ERN1: variants seen among roughly 807,000 people sequenced by gnomAD.
ERN1 encodes serine/threonine-protein kinase/endoribonuclease IRE1.
Under a neutral mutation model 113.1 loss-of-function variants are expected in ERN1, and 39 were observed. That is an observed-to-expected ratio of 0.34 (90% CI 0.27 to 0.45). ERN1 has a LOEUF of 0.45. ERN1 is among the 20% of genes least tolerant of loss of function. The pLI, the probability that ERN1 is intolerant of heterozygous loss-of-function variation, is 1.00. For missense variants in ERN1, 976 were observed against 1,274.8 expected (o/e 0.77, Z 3.57); for synonymous variants, 507 against 515.9 (o/e 0.98, Z 0.23).
intron 17 of ERN1, among the ~76,000 whole-genome samples, chr17:64,050,207 T>A (rs1467482320): frequency 6.6e-6 from 1 of 152,086 alleles, no homozygotes; most frequent in Non-Finnish European, 1.5e-5. Flanking sequence ...GGATTTTCCC[T>A]TAGGAAGGTG....
At chr17:64,064,732 T>C (rs1448006681) in intron 9 of ERN1, among the ~76,000 whole-genome samples, 2 of 152,054 alleles carry the variant, frequency 1.3e-5, no homozygotes, top group South Asian at 2.1e-4. Flanking sequence ...CTCGGCGAGA[T>C]TGCAAAAGCA....
chr17:64,104,115 G>A (rs1463880537), intron 1 of ERN1, among the ~76,000 whole-genome samples: 1 of 152,108 alleles, frequency 6.6e-6, no homozygotes, highest in African/African-American at 2.4e-5. Context: ...TGTGGTTTAT[G>A]TATGTAGTCC....
intron 1 of ERN1, among the ~76,000 whole-genome samples, chr17:64,103,841 G>T (rs1914450370): frequency 6.6e-6 from 1 of 152,174 alleles, no homozygotes; most frequent in Non-Finnish European, 1.5e-5. Flanking sequence ...AAAAACAAAT[G>T]AAATGGCCTC....
chr17:64,125,925 T>C (rs1915068977), intron 1 of ERN1, among the ~76,000 whole-genome samples: 1 of 152,206 alleles, frequency 6.6e-6, no homozygotes, highest in African/African-American at 2.4e-5. Context: ...CAAAAATAGA[T>C]AACATCGTAT....
intron 1 of ERN1, among the ~76,000 whole-genome samples, chr17:64,111,673 T>C (rs780941445): frequency 2.0e-5 from 3 of 152,126 alleles, no homozygotes; most frequent in African/African-American, 7.2e-5. Flanking sequence ...TCCAATCTTA[T>C]TGCCATCTTC....
intron 20 of ERN1, 31 bp downstream of exon 20, chr17:64,045,328 C>A (rs764709462): frequency 6.2e-7 from 1 of 1,613,004 alleles, no homozygotes; most frequent in Non-Finnish European, 8.5e-7. Context: ...ACTTTTGCAA[C>A]CTGCCCTCTC....
At chr17:64,085,840 C>T (rs1598069432) in intron 2 of ERN1, among the ~76,000 whole-genome samples, 2 of 152,184 alleles carry the variant, frequency 1.3e-5, no homozygotes, top group Non-Finnish European at 2.9e-5. Flanking sequence ...GGCTTCTGTT[C>T]TCACCCCTGT....
Position 64,064,003 on chromosome 17 carries a change from T to G in ERN1, c.1070A>C (p.Asn357Thr), listed in dbSNP as rs540200496. The G allele has an allele frequency of 3.7e-6, 6 of 1,613,978 alleles. No individual in the cohort carries two copies. In the African/African-American group the frequency reaches 8.0e-5, roughly 22 times the overall value. The stretch of plus-strand genomic sequence containing the variant: ...GCTCTTACCTATCAGAAGCCAGTAA[T>G]TCCTCAAGTAGTTGAGCTTGTTCTT... Reference protein sequence around the residue: ...KSKNKLNYLRNYWLLIGHHET... With the variant: ...KSKNKLNYLRTYWLLIGHHET... Residue 357 changes from asparagine to threonine, a missense_variant, in exon 10 of 22, where the codon AAT (asparagine) becomes ACT (threonine). This residue lies in a region of ERN1 where 459 missense variants were observed against 581.2 expected (regional missense o/e 0.79). Transcript: ENST00000433197.
At chr17:64,048,367 T>A (rs962856958) in intron 18 of ERN1, among the ~76,000 whole-genome samples, 2 of 152,234 alleles carry the variant, frequency 1.3e-5, no homozygotes, top group African/African-American at 4.8e-5. Flanking sequence ...TTATAAAATA[T>A]GCAATCACGT....
intron 2 of ERN1, among the ~76,000 whole-genome samples, chr17:64,093,874 C>T (rs1163258776): frequency 6.6e-6 from 1 of 152,234 alleles, no homozygotes; most frequent in African/African-American, 2.4e-5. Flanking sequence ...GGCCCTACAC[C>T]AGTGGTATCC....
At chr17:64,062,046 T>A (rs1365229310) in intron 10 of ERN1, among the ~76,000 whole-genome samples, 1 of 152,232 alleles carries the variant, frequency 6.6e-6, no homozygotes, top group Non-Finnish European at 1.5e-5. Flanking sequence ...CTGTACAACC[T>A]TACTCATGAG....
At chr17:64,112,367 C>CAA (rs779687545) in intron 1 of ERN1, among the ~76,000 whole-genome samples, 6,714 of 88,272 alleles carry the variant, frequency 0.076, 545 homozygotes, top group African/African-American at 0.23. Flanking sequence ...GACTCTGTCT[C>CAA]AAAAAAAAAA....
At chr17:64,046,406 T>C (rs1034392143) in intron 19 of ERN1, among the ~76,000 whole-genome samples, 1 of 152,200 alleles carries the variant, frequency 6.6e-6, no homozygotes, top group Non-Finnish European at 1.5e-5. Context: ...TCCTGTCCCT[T>C]GGTGGGTGAA....
intron 2 of ERN1, among the ~76,000 whole-genome samples, chr17:64,091,747 G>T (rs1383039204): frequency 6.6e-6 from 1 of 152,196 alleles, no homozygotes; most frequent in Non-Finnish European, 1.5e-5. Context: ...GGGCAGGGGA[G>T]GGAGCCCAGG....
chr17:64,095,617 C>A (rs1386531022), intron 2 of ERN1, among the ~76,000 whole-genome samples: 1 of 152,146 alleles, frequency 6.6e-6, no homozygotes, highest in African/African-American at 2.4e-5. Flanking sequence ...AGTCATCCCA[C>A]ACACAGCTGC....
rs1202365432 is a variant in ERN1, at chr17:64,052,930, T to C, written c.2103A>G (p.Ala701=). 6.2e-7 allele frequency: 1 copy of C among 1,613,836 alleles called. No individual in the cohort carries two copies. Among genetic ancestry groups the C allele is most frequent in the South Asian group, 1.1e-5 (1 of 91,004 alleles). The change falls in exon 17 of 22, where the codon GCA becomes GCG. Residue 701 remains alanine (A), a synonymous_variant. Transcript: ENST00000433197. ...AGATCATGGCCTTGATCTTGCCGTG[T>C]GCATTGGGCATGGATATGAGGATGT... ...PHNILISMPN[A]HGKIKAMISD...
intron 18 of ERN1, 136 bp downstream of exon 18, chr17:64,048,919 A>T: frequency 1.3e-6 from 1 of 796,614 alleles, no homozygotes; most frequent in African/African-American, 1.8e-5. Flanking sequence ...ACAAGTCTGG[A>T]GGTCCTGAGG....
chr17:64,112,994 A>G (rs1163801097), intron 1 of ERN1, among the ~76,000 whole-genome samples: 1 of 152,214 alleles, frequency 6.6e-6, no homozygotes, highest in Non-Finnish European at 1.5e-5. Context: ...CTGGGAATGG[A>G]TATCAGAAGA....
intron 1 of ERN1, among the ~76,000 whole-genome samples, chr17:64,106,459 G>A (rs1386288814): frequency 6.6e-6 from 1 of 152,132 alleles, no homozygotes; most frequent in Non-Finnish European, 1.5e-5. Context: ...ATGCCACACA[G>A]GGGAATGTGC....
Sources: gnomAD v4.1 joint callset for allele counts (sites outside exome capture counted in the v4.1 genomes callset) on GRCh38, gnomAD v4.1.1 for gene constraint, gnomAD v4.1.1 regional missense constraint, MANE v1.5 for transcripts, NCBI Gene and HGNC (gene_info 2026-07-23, HGNC 2026-07-21) for gene names.